DDX4: variants seen among roughly 807,000 people sequenced by gnomAD.
The protein encoded by DDX4 is probable ATP-dependent RNA helicase DDX4.
In DDX4, 25 loss-of-function variants were observed where a neutral mutation model predicts 100.0. That is an observed-to-expected ratio of 0.25 (90% CI 0.18 to 0.35). The LOEUF is 0.35. Among genes scored for constraint, DDX4 ranks in the 10% least tolerant of loss-of-function variants. The pLI is 1.00. For missense variants in DDX4, 635 were observed against 882.4 expected (o/e 0.72, Z 3.55); for synonymous variants, 259 against 275.7 (o/e 0.94, Z 0.60).
intron 15 of DDX4, 91 bp downstream of exon 15, chr5:55,788,091 C>G (rs941913268): frequency 1.8e-6 from 2 of 1,116,226 alleles, no homozygotes; most frequent in African/African-American, 3.2e-5. Context: ...ATAATGCACT[C>G]ATGTAATTTT....
chr5:55,790,781 A>G, intron 16 of DDX4, 76 bp downstream of exon 16: 1 of 1,318,264 alleles, frequency 7.6e-7, no homozygotes. Context: ...GAATGAGGTA[A>G]AGACAGATGT....
intron 18 of DDX4, among the ~76,000 whole-genome samples, chr5:55,802,877 A>G (rs1225675004): frequency 6.6e-6 from 1 of 152,214 alleles, no homozygotes; most frequent in African/African-American, 2.4e-5. Flanking sequence ...TGCAAAATAA[A>G]GGTAATAAAG....
chr5:55,767,992 G>A (rs1741035494), intron 7 of DDX4, 52 bp downstream of exon 7: 1 of 1,498,222 alleles, frequency 6.7e-7, no homozygotes, highest in African/African-American at 1.4e-5. Context: ...ACACTAAACT[G>A]GTAAAACTGA....
chr5:55,806,290 A>AT (rs1329700957), intron 18 of DDX4, among the ~76,000 whole-genome samples: 6 of 152,060 alleles, frequency 3.9e-5, no homozygotes, highest in South Asian at 2.1e-4. Flanking sequence ...GGATTCATTG[A>AT]TTTTTTGAAG....
chr5:55,814,345 G>C (rs898693464), intron 19 of DDX4, among the ~76,000 whole-genome samples: 1 of 152,204 alleles, frequency 6.6e-6, no homozygotes, highest in Non-Finnish European at 1.5e-5. Flanking sequence ...ATTGTAGTCT[G>C]TCTCTACATA....
chr5:55,748,150 G>A lies in DDX4; in HGVS notation c.127+1929G>A, dbSNP rs1056944272. Among the ~76,000 whole-genome samples the A allele has an allele frequency of 1.4e-4, 22 of 152,256 alleles. 1 individual carries two copies. The highest frequency in any genetic ancestry group is 6.8e-3 in the Middle Eastern group (2 of 294). On this transcript the variant is annotated intron_variant, in intron 3 of 21. Coordinates refer to ENST00000505374, the MANE Select transcript of DDX4 (RefSeq NM_024415.3). The stretch of plus-strand genomic sequence containing the variant: ...TTCAAAATATGTTTATCTTTTATAA[G>A]CATTTAAACACAGTGGTTTAATACA...
rs112976949 is a variant in DDX4 at position 55,766,462 on chromosome 5, G to A, written c.335-1419G>A. ...TGTTTTTTTTTTTTTTTTCTCGAAA[G>A]CAGTAAATATTAGTTATCATCATTG... On this transcript the variant is annotated intron_variant, in intron 6 of 21. Transcript: ENST00000505374. 9.7e-3 allele frequency among the ~76,000 whole-genome samples: 1,410 copies of A among 144,670 alleles called. 27 individuals carry two copies. The highest frequency in any genetic ancestry group is 0.034 in the African/African-American group (1,342 of 39,286). The allele number at this position is 144,670 out of a possible 152,430, so 94.9% of individuals were successfully genotyped here.
chr5:55,809,774 C>T (rs925866331), intron 18 of DDX4, among the ~76,000 whole-genome samples: 1 of 152,216 alleles, frequency 6.6e-6, no homozygotes, highest in African/African-American at 2.4e-5. Flanking sequence ...TGATGTACAT[C>T]CCTAGTGAAG....
At chr5:55,742,810 A>C (rs1335908464) in intron 2 of DDX4, among the ~76,000 whole-genome samples, 3 of 152,192 alleles carry the variant, frequency 2.0e-5, no homozygotes, top group African/African-American at 7.2e-5. Flanking sequence ...GAGAAGACAG[A>C]ATAAGCGCGT....
Position 55,792,662 on chromosome 5 carries a change from T to C in DDX4, c.1324T>C (p.Tyr442His). Residue 442 changes from tyrosine to histidine, a missense_variant, in exon 17 of 22, where the codon TAC (tyrosine) becomes CAC (histidine). Coordinates refer to ENST00000505374, the MANE Select transcript of DDX4 (RefSeq NM_024415.3). Reference protein sequence around the residue: ...KEKIGLKQIKYLVLDEADRML... With the variant: ...KEKIGLKQIKHLVLDEADRML... ...AAAGATTGGTCTCAAACAGATCAAA[T>C]ACTTAGTTTTGGATGAAGCTGATCG... 7 of 1,586,658 alleles carry C rather than the reference T, an allele frequency of 4.4e-6. No individual in the cohort carries two copies. Among genetic ancestry groups the C allele is most frequent in the Non-Finnish European group, 6.0e-6 (7 of 1,164,198 alleles).
Position 55,810,670 on chromosome 5 carries a change from TA to T in DDX4, c.1616-2995del, listed in dbSNP as rs892430928. On this transcript the variant is annotated intron_variant, in intron 18 of 21. Coordinates refer to ENST00000505374, the MANE Select transcript of DDX4 (RefSeq NM_024415.3). ...TACAACTCTTAAATAGTAATACATCTAAAAAAAATAATTTCTAGAATCCCTT... is the reference window on the plus strand; with the variant it reads ...TACAACTCTTAAATAGTAATACATCTAAAAAAATAATTTCTAGAATCCCTT... Among the ~76,000 whole-genome samples the T allele has an allele frequency of 9.6e-4, 146 of 152,016 alleles. No homozygotes were observed. The Middle Eastern group carries it at 0.01, about 11-fold the overall frequency.
chr5:55,758,828 G>A (rs1254880773), intron 3 of DDX4, among the ~76,000 whole-genome samples: 1 of 120,756 alleles, frequency 8.3e-6, no homozygotes, highest in East Asian at 2.5e-4. Context: ...GAAGAACCAA[G>A]TTTTGGCCTT....
chr5:55,785,271 T>C, intron 10 of DDX4, 26 bp from the exon 11 acceptor site: 1 of 1,525,486 alleles, frequency 6.6e-7, no homozygotes, highest in Non-Finnish European at 9.1e-7. Flanking sequence ...TCTTGACCGA[T>C]TGTCACTTAT....
rs140883346 is a variant in DDX4, at chr5:55,776,077, G to A, written c.395-3887G>A. 1.2e-3 allele frequency among the ~76,000 whole-genome samples: 182 copies of A among 152,194 alleles called. 2 individuals carry two copies. The East Asian group carries it at 0.03, about 25-fold the overall frequency. ...GGAGGTTGCAGTGAGCTGAGATGGCGCCACTGCACTCCAGCCTGGGTGACC... is the reference window on the plus strand; with the variant it reads ...GGAGGTTGCAGTGAGCTGAGATGGCACCACTGCACTCCAGCCTGGGTGACC... On this transcript the variant is annotated intron_variant, in intron 7 of 21. Coordinates refer to ENST00000505374, the MANE Select transcript of DDX4 (RefSeq NM_024415.3).
intron 18 of DDX4, among the ~76,000 whole-genome samples, chr5:55,813,364 C>T (rs553898621): frequency 6.6e-6 from 1 of 152,226 alleles, no homozygotes; most frequent in Admixed American, 6.5e-5. Flanking sequence ...AGGACTGAGA[C>T]AATTTTATAT....
At chr5:55,757,205 C>T (rs1759994383) in intron 3 of DDX4, among the ~76,000 whole-genome samples, 1 of 152,070 alleles carries the variant, frequency 6.6e-6, no homozygotes, top group African/African-American at 2.4e-5. Context: ...ATTTTGTGAA[C>T]CCATTACCTG....
At chr5:55,785,390 C>G (rs1267558972) in intron 11 of DDX4, 46 bp downstream of exon 11, 1 of 1,583,604 alleles carries the variant, frequency 6.3e-7, no homozygotes, top group Non-Finnish European at 8.6e-7. Context: ...AGTGAGAGTT[C>G]TTTTACCTTT....
chr5:55,813,821 T>C, intron 19 of DDX4, 49 bp downstream of exon 19: 2 of 1,486,636 alleles, frequency 1.3e-6, no homozygotes, highest in African/African-American at 1.4e-5. Flanking sequence ...TTCTATTTGG[T>C]ATTTAAGAAA....
intron 17 of DDX4, among the ~76,000 whole-genome samples, chr5:55,796,152 G>A (rs1004388717): frequency 7.2e-5 from 11 of 152,192 alleles, no homozygotes; most frequent in African/African-American, 2.4e-4. Context: ...CTGCGTTCTT[G>A]TAGCTGCGCT....
Sources: allele counts gnomAD v4.1 joint callset (sites outside exome capture counted in the v4.1 genomes callset), GRCh38; gene constraint gnomAD v4.1.1; transcripts MANE v1.5; gene names NCBI Gene and HGNC (gene_info 2026-07-23, HGNC 2026-07-21).